MALRD1: variants seen among roughly 807,000 people sequenced by gnomAD.
MALRD1 encodes the protein MAM and LDL receptor class A domain containing 1.
Under a neutral mutation model 242.1 loss-of-function variants are expected in MALRD1, and 247 were observed. That is an observed-to-expected ratio of 1.02 (90% CI 0.92 to 1.13). The LOEUF (loss-of-function observed/expected upper bound fraction) is 1.13. MALRD1 is among the 50% of genes most tolerant of loss of function. The pLI is 0.00. For synonymous variants in MALRD1, 995 were observed against 866.6 expected (o/e 1.15, Z -2.60); for missense variants, 2,989 against 2,533.1 (o/e 1.18, Z -3.86).
At chr10:19,122,886 C>T (rs1469022798) in intron 5 of MALRD1, among the ~76,000 whole-genome samples, 3 of 152,070 alleles carry the variant, frequency 2.0e-5, no homozygotes, top group Admixed American at 2.0e-4. Flanking sequence ...CCACCACGCC[C>T]AGATAATTTT....
intron 36 of MALRD1, among the ~76,000 whole-genome samples, chr10:19,626,126 T>C (rs1313305444): frequency 6.6e-6 from 1 of 152,032 alleles, no homozygotes; most frequent in Non-Finnish European, 1.5e-5. Context: ...AAAAGACAAT[T>C]TTGTAGAGAA....
In MALRD1 at chr10:19,618,327, A is replaced by T. The variant is rs182891183; in HGVS notation, c.6137+2404A>T. ...AGGTGCCTTTATGACAGTAAAACTT[A>T]TATTCCTTTGGGTATATACCCAGTA... On this transcript the variant is annotated intron_variant, in intron 36 of 39. Coordinates refer to ENST00000454679, the MANE Select transcript of MALRD1 (RefSeq NM_001142308.3). Among the ~76,000 whole-genome samples the T allele has an allele frequency of 9.9e-5, 15 of 152,164 alleles. No homozygotes were observed. The South Asian group carries it at 2.9e-3, about 29-fold the overall frequency.
At chr10:19,467,401 A>AAAAAG (rs1213578471) in intron 29 of MALRD1, among the ~76,000 whole-genome samples, 8 of 149,900 alleles carry the variant, frequency 5.3e-5, no homozygotes, top group African/African-American at 1.9e-4. Context: ...TCAAAAAAAA[A>AAAAAG]AAAAAAAAAA....
At chr10:19,551,243 C>A (rs1835456254) in intron 32 of MALRD1, among the ~76,000 whole-genome samples, 1 of 152,084 alleles carries the variant, frequency 6.6e-6, no homozygotes, top group Admixed American at 6.6e-5. Context: ...ATATTTCCTC[C>A]CATCGTCTCT....
intron 21 of MALRD1, among the ~76,000 whole-genome samples, chr10:19,288,735 T>G (rs1030045632): frequency 1.3e-5 from 2 of 152,116 alleles, no homozygotes; most frequent in African/African-American, 4.8e-5. Context: ...CAGGGAAATG[T>G]TATTGCAGAT....
chr10:19,239,180 T>A (rs1164237889), intron 18 of MALRD1, among the ~76,000 whole-genome samples: 1 of 152,014 alleles, frequency 6.6e-6, no homozygotes, highest in African/African-American at 2.4e-5. Flanking sequence ...TGCCTCAGCC[T>A]GCTGAGTAGC....
At chr10:19,150,637 C>T (rs1265004592) in intron 11 of MALRD1, among the ~76,000 whole-genome samples, 1 of 152,200 alleles carries the variant, frequency 6.6e-6, no homozygotes, top group Non-Finnish European at 1.5e-5. Flanking sequence ...TGTTTCCCCT[C>T]TCTCAGAGAT....
At chr10:19,179,123 T>C (rs139046946) in intron 14 of MALRD1, among the ~76,000 whole-genome samples, 2 of 152,292 alleles carry the variant, frequency 1.3e-5, no homozygotes, top group East Asian at 3.9e-4. Context: ...TAGCCAGTCA[T>C]AGAAAAATAA....
chr10:19,447,710 G>C (rs1393586339), intron 28 of MALRD1, among the ~76,000 whole-genome samples: 3 of 151,408 alleles, frequency 2.0e-5, no homozygotes, highest in African/African-American at 7.3e-5. Context: ...TCAATATCCA[G>C]CCTGTAATAT....
intron 18 of MALRD1, among the ~76,000 whole-genome samples, chr10:19,238,744 T>C (rs932597629): frequency 2.5e-4 from 38 of 149,880 alleles, no homozygotes; most frequent in Non-Finnish European, 3.1e-4. Flanking sequence ...TGCTGGGTTA[T>C]GTGATCGAAT....
chr10:19,685,580 A>G (rs1391085258), intron 36 of MALRD1, among the ~76,000 whole-genome samples: 1 of 152,244 alleles, frequency 6.6e-6, no homozygotes, highest in East Asian at 1.9e-4. Flanking sequence ...GTCTACATGC[A>G]GAGCAGGCTT....
rs78643903 is a variant in MALRD1, at chr10:19,104,659, T to A, written c.694+584T>A. 2.4e-3 allele frequency among the ~76,000 whole-genome samples: 366 copies of A among 151,630 alleles called. 1 individual carries two copies. Among genetic ancestry groups the A allele is most frequent in the African/African-American group, 8.5e-3 (353 of 41,370 alleles). The stretch of plus-strand genomic sequence containing the variant: ...GGCTTAATCCAATAATAAAAAAGAG[T>A]CAGTCATATTGAAACCCATATATTT... On this transcript the variant is annotated intron_variant, in intron 5 of 39. Transcript: ENST00000454679.
At chr10:19,531,465 A>G (rs1169368698) in intron 32 of MALRD1, 114 bp downstream of exon 32, 2 of 1,002,332 alleles carry the variant, frequency 2.0e-6, no homozygotes, top group Non-Finnish European at 2.8e-6. Flanking sequence ...TGCTGATGCC[A>G]TTAATTTCTC....
chr10:19,488,992 G>A (rs562620700), intron 29 of MALRD1: 1 of 450,928 alleles, frequency 2.2e-6, no homozygotes, highest in Non-Finnish European at 4.5e-6. Flanking sequence ...CTCCCAATCC[G>A]GTTCTATCCG....
At chr10:19,552,768 T>G (rs1049615968) in intron 32 of MALRD1, among the ~76,000 whole-genome samples, 20 of 152,242 alleles carry the variant, frequency 1.3e-4, no homozygotes, top group Middle Eastern at 6.8e-3. Flanking sequence ...TTGCAAAGCA[T>G]TAGTAGTTAC....
At chr10:19,714,871 A>G (rs957187638) in intron 38 of MALRD1, among the ~76,000 whole-genome samples, 6 of 152,204 alleles carry the variant, frequency 3.9e-5, no homozygotes, top group Non-Finnish European at 8.8e-5. Context: ...AAATTGTGAA[A>G]CTATCACCCC....
intron 36 of MALRD1, among the ~76,000 whole-genome samples, chr10:19,635,145 A>C (rs1840072265): frequency 6.6e-6 from 1 of 152,148 alleles, no homozygotes; most frequent in African/African-American, 2.4e-5. Context: ...GGAGAATGGA[A>C]GAAAACCTAA....
intron 38 of MALRD1, among the ~76,000 whole-genome samples, chr10:19,723,648 A>G (rs1426414943): frequency 1.3e-5 from 2 of 151,920 alleles, no homozygotes; most frequent in African/African-American, 4.8e-5. Context: ...AGACCAAGGC[A>G]GGAGGATCGC....
intron 28 of MALRD1, among the ~76,000 whole-genome samples, chr10:19,421,621 A>C: frequency 6.6e-6 from 1 of 152,206 alleles, no homozygotes; most frequent in East Asian, 1.9e-4. Context: ...TAAATGCATC[A>C]ATAATTAATG....
Sources: gnomAD v4.1 joint callset for allele counts (sites outside exome capture counted in the v4.1 genomes callset) on GRCh38, gnomAD v4.1.1 for gene constraint, MANE v1.5 for transcripts, NCBI Gene and HGNC (gene_info 2026-07-23, HGNC 2026-07-21) for gene names.